ARSF: variants seen among roughly 807,000 people sequenced by gnomAD.
ARSF encodes arylsulfatase F.
In ARSF, 33 loss-of-function variants were observed where a neutral mutation model predicts 35.4. The observed-to-expected ratio is 0.93, with a 90% CI of 0.71 to 1.25. ARSF has a LOEUF of 1.25. Among genes scored for constraint, ARSF ranks in the 50% most tolerant of loss-of-function variants. ARSF has a pLI of 0.00. For synonymous variants in ARSF, 222 were observed against 193.1 expected (o/e 1.15, Z -1.24); for missense variants, 501 against 480.2 (o/e 1.04, Z -0.40).
At chrX:3,108,723 A>C (rs2090425183) in intron 9 of ARSF, among the ~76,000 whole-genome samples, 1 of 112,006 alleles carries the variant, frequency 8.9e-6, no homozygotes, top group South Asian at 3.7e-4. Context: ...ATTTCTTTTA[A>C]GATCCTTTTT....
chrX:3,083,851 C>T (rs148577762), intron 5 of ARSF, among the ~76,000 whole-genome samples: 3,794 of 111,056 alleles, frequency 0.034, 53 homozygotes, highest in Middle Eastern at 0.06. Context: ...CTTGTCTCTG[C>T]GGTGTATCTA....
chrX:3,100,329 G>A (rs1293066414), intron 7 of ARSF, among the ~76,000 whole-genome samples: 1 of 112,405 alleles, frequency 8.9e-6, no homozygotes, highest in East Asian at 2.8e-4. Flanking sequence ...TCTGCCTTCT[G>A]TGAGCAGAGA....
At chrX:3,053,234 G>A (rs1349880829) in intron 1 of ARSF, among the ~76,000 whole-genome samples, 2 of 111,065 alleles carry the variant, frequency 1.8e-5, no homozygotes, top group Non-Finnish European at 3.8e-5. Context: ...CATGTCCTCC[G>A]ATAATTTGAA....
chrX:3,096,969 A>G (rs750848498), intron 7 of ARSF, among the ~76,000 whole-genome samples: 44 of 111,432 alleles, frequency 3.9e-4, no homozygotes, highest in Non-Finnish European at 7.7e-4. Context: ...AGGCTGCTAC[A>G]TGCCAAGGAA....
At chrX:3,099,652 A>T (rs904569580) in intron 7 of ARSF, among the ~76,000 whole-genome samples, 1 of 111,175 alleles carries the variant, frequency 9.0e-6, no homozygotes, top group African/African-American at 3.3e-5. Flanking sequence ...AGTTTTCTCC[A>T]CTGTAAAGTT....
chrX:3,074,669 A>G (rs2090133322), intron 3 of ARSF, among the ~76,000 whole-genome samples: 1 of 111,817 alleles, frequency 8.9e-6, no homozygotes, highest in Non-Finnish European at 1.9e-5. Flanking sequence ...CTTATTATTT[A>G]TATGTGGTGA....
At chrX:3,102,866 A>G (rs760791132) in intron 8 of ARSF, among the ~76,000 whole-genome samples, 2 of 110,267 alleles carry the variant, frequency 1.8e-5, no homozygotes, top group East Asian at 5.7e-4. Flanking sequence ...GAGCCGCGAT[A>G]GCACCACTGC....
intron 8 of ARSF, among the ~76,000 whole-genome samples, chrX:3,103,388 T>C (rs1340818504): frequency 9.1e-6 from 1 of 110,431 alleles, no homozygotes; most frequent in Non-Finnish European, 1.9e-5. Context: ...TTCCATAAAA[T>C]TGGGGGCTGG....
chrX:3,073,998 G>C (rs4549969), intron 3 of ARSF, among the ~76,000 whole-genome samples: 6 of 109,694 alleles, frequency 5.5e-5, no homozygotes, highest in African/African-American at 2.0e-4. Context: ...GTTATCAGAC[G>C]TACATCATAC....
At chrX:3,082,352 A>G (rs755406212) in intron 5 of ARSF, among the ~76,000 whole-genome samples, 2 of 110,553 alleles carry the variant, frequency 1.8e-5, no homozygotes, top group East Asian at 5.7e-4. Context: ...CCATCCATCA[A>G]CCCATATATC....
intron 1 of ARSF, among the ~76,000 whole-genome samples, chrX:3,045,835 A>G (rs1271587601): frequency 1.9e-5 from 2 of 104,933 alleles, no homozygotes; most frequent in Non-Finnish European, 3.9e-5. Flanking sequence ...ATGCAGATGG[A>G]CTCTTTACCT....
chrX:3,085,020 C>A (rs1200151061), intron 6 of ARSF, among the ~76,000 whole-genome samples: 2 of 110,305 alleles, frequency 1.8e-5, no homozygotes, highest in South Asian at 3.8e-4. Flanking sequence ...TGGAATATTG[C>A]TAAATGGTGT....
At chrX:3,051,086 C>A (rs2089995513) in intron 1 of ARSF, among the ~76,000 whole-genome samples, 2 of 111,370 alleles carry the variant, frequency 1.8e-5, no homozygotes, top group Admixed American at 1.9e-4. Flanking sequence ...AGAGCCTTTC[C>A]TGCCTTGCTC....
chrX:3,085,795 T>G (rs1188814203), intron 6 of ARSF, among the ~76,000 whole-genome samples: 1 of 111,187 alleles, frequency 9.0e-6, no homozygotes, highest in Non-Finnish European at 1.9e-5. Flanking sequence ...GTGATAAATA[T>G]GTAGTTTGGG....
At chrX:3,068,040 T>G in intron 1 of ARSF, 33 bp from the exon 2 acceptor site, 1 of 1,026,802 alleles carries the variant, frequency 9.7e-7, no homozygotes, top group Non-Finnish European at 1.3e-6. Context: ...TTTTTTTTGG[T>G]CTTTTAAATC....
chrX:3,083,515 TATCTATCTATCTATCC>T (rs762197196), intron 5 of ARSF, among the ~76,000 whole-genome samples: 3,202 of 74,486 alleles, frequency 0.043, 50 homozygotes, highest in Middle Eastern at 0.06. Context: ...TCTATCTATC[TATCTATCTATCTATCC>T]ATCCATCCAT....
intron 1 of ARSF, among the ~76,000 whole-genome samples, chrX:3,065,743 G>T (rs1257667042): frequency 9.1e-6 from 1 of 110,344 alleles, no homozygotes; most frequent in Non-Finnish European, 1.9e-5. Flanking sequence ...GACAATTCCA[G>T]TTCAAAATTC....
chrX:3,050,117 ATTGATGGAGT>A (rs1343709069), intron 1 of ARSF, among the ~76,000 whole-genome samples: 7 of 111,736 alleles, frequency 6.3e-5, no homozygotes, highest in Non-Finnish European at 9.4e-5. Context: ...GAAAAGGAAA[ATTGATGGAGT>A]TAAAACAAAA....
At chrX:3,066,841 C>T (rs2090068633) in intron 1 of ARSF, 1 of 108,971 alleles carries the variant, frequency 9.2e-6, no homozygotes, top group South Asian at 4.0e-4. Flanking sequence ...CTGTTCTGCT[C>T]CTAGACATTA....
Sources: gnomAD v4.1 joint callset for allele counts (sites outside exome capture counted in the v4.1 genomes callset) on GRCh38, gnomAD v4.1.1 for gene constraint, MANE v1.5 for transcripts, NCBI Gene and HGNC (gene_info 2026-07-23, HGNC 2026-07-21) for gene names.